The following SORL1 variants were observed in gnomAD, a reference collection of about 807,000 sequenced individuals.
SORL1 encodes the protein sortilin-related receptor.
SORL1 carries 127 observed loss-of-function variants against 273.7 expected under a neutral mutation model. That is an observed-to-expected ratio of 0.46 (90% confidence interval 0.40 to 0.54). SORL1 has a LOEUF of 0.54. SORL1 is among the 20% of genes least tolerant of loss of function. The pLI is 0.00. For missense variants in SORL1, 2,494 were observed against 2,846.1 expected (o/e 0.88, Z 2.81); for synonymous variants, 1,031 against 1,067.4 (o/e 0.97, Z 0.66).
intron 6 of SORL1, among the ~76,000 whole-genome samples, chr11:121,500,115 C>T (rs1422106083): frequency 6.6e-6 from 1 of 152,172 alleles, no homozygotes; most frequent in Non-Finnish European, 1.5e-5. Context: ...TCATAGTGTA[C>T]ATCAAAATGA....
rs200787838 is a variant in SORL1 at position 121,496,922 on chromosome 11, C to T, written c.812C>T (p.Pro271Leu). The change falls in exon 6 of 48, where the codon CCC becomes CTC. Residue 271 changes from proline to leucine, a missense_variant. Around this residue, in one of 3 missense-constraint regions of SORL1, gnomAD observed 710 missense variants for 882.5 expected, o/e 0.80. Transcript: ENST00000260197. ...ACCATCTACATTGAACGACATGAACCCTCTGGCTACTCCACTGTCTTCCGA... is the reference window on the plus strand; with the variant it reads ...ACCATCTACATTGAACGACATGAACTCTCTGGCTACTCCACTGTCTTCCGA... ...PNTIYIERHE[P>L]SGYSTVFRST... 6.2e-7 allele frequency: 1 copy of T among 1,613,928 alleles called. No individual in the cohort carries two copies. Among genetic ancestry groups the T allele is most frequent in the Non-Finnish European group, 8.5e-7 (1 of 1,179,888 alleles).
chr11:121,624,804 T>C (rs761400946), intron 45 of SORL1, among the ~76,000 whole-genome samples: 3 of 152,218 alleles, frequency 2.0e-5, no homozygotes, highest in Non-Finnish European at 2.9e-5. Context: ...AGTGTGGCTT[T>C]GGTAAAATGA....
intron 13 of SORL1, among the ~76,000 whole-genome samples, chr11:121,544,363 A>C (rs1173461514): frequency 1.3e-5 from 2 of 152,166 alleles, no homozygotes; most frequent in African/African-American, 4.8e-5. Context: ...CTGATATCCC[A>C]ACCAGAAGAC....
intron 3 of SORL1, among the ~76,000 whole-genome samples, chr11:121,478,873 T>C (rs1363554449): frequency 1.3e-5 from 2 of 151,824 alleles, no homozygotes; most frequent in African/African-American, 4.8e-5. Context: ...TATGCACATA[T>C]GGGTACCTGT....
rs574889831 is a variant in SORL1 at position 121,512,166 on chromosome 11, G to A, written c.940-837G>A. 1.4e-4 allele frequency among the ~76,000 whole-genome samples: 22 copies of A among 152,298 alleles called. No homozygotes were observed. In the South Asian group the frequency reaches 2.7e-3, roughly 19 times the overall value. ...GGAGCCTCCATAGCAAAATAAATGAGTGTATATAAAAAAATTTGCATATAT... is the reference window on the plus strand; with the variant it reads ...GGAGCCTCCATAGCAAAATAAATGAATGTATATAAAAAAATTTGCATATAT... On this transcript the variant is annotated intron_variant, in intron 6 of 47. Coordinates refer to ENST00000260197, the MANE Select transcript of SORL1 (RefSeq NM_003105.6).
intron 6 of SORL1, among the ~76,000 whole-genome samples, chr11:121,502,164 C>G (rs565672117): frequency 9.4e-6 from 1 of 106,592 alleles, no homozygotes; most frequent in East Asian, 3.2e-4. Context: ...GAGATGGAGT[C>G]TCACTCTGTC....
chr11:121,588,075 G>T lies in SORL1; in HGVS notation c.3870G>T (p.Leu1290=), dbSNP rs1344396246. 1.2e-6 allele frequency: 2 copies of T among 1,613,936 alleles called. No homozygotes were observed. The highest frequency in any genetic ancestry group is 3.3e-5 in the Admixed American group (2 of 60,030). Reference sequence around the variant, plus strand: ...TGTGTAAGAACCGCCAGCAGTGCCTGTTCCACTCCATGGTCTGTGACGGAA... The same window carrying T: ...TGTGTAAGAACCGCCAGCAGTGCCTTTTCCACTCCATGGTCTGTGACGGAA... ...DFVCKNRQQC[L]FHSMVCDGII... is the part of the protein sequence containing the mutation. The change falls in exon 28 of 48, where the codon CTG becomes CTT. Residue 1290 remains leucine, a synonymous_variant. Transcript: ENST00000260197.
At position 121,483,540 on chromosome 11, in the gene SORL1, A is replaced by C. The variant is rs190072256; in HGVS notation, c.529-4492A>C. On this transcript the variant is annotated intron_variant, in intron 3 of 47. Transcript: ENST00000260197. ...AGAGGTATTTGTATTTTCAGAGGAA[A>C]CAGCTTTTAACCAAAGGAGGAAGCT... 1.1e-4 allele frequency among the ~76,000 whole-genome samples: 17 copies of C among 152,360 alleles called. No individual in the cohort carries two copies. The East Asian group carries it at 3.3e-3, about 29-fold the overall frequency.
chr11:121,566,246 T>C (rs7121447), intron 21 of SORL1, among the ~76,000 whole-genome samples: 95,331 of 151,964 alleles, frequency 0.63, 30,637 homozygotes, highest in Non-Finnish European at 0.71. Flanking sequence ...CTCTTCTCTC[T>C]GTAAGCCTCT....
chr11:121,541,114 G>T (rs973448216), intron 12 of SORL1, among the ~76,000 whole-genome samples: 1 of 152,196 alleles, frequency 6.6e-6, no homozygotes, highest in Non-Finnish European at 1.5e-5. Context: ...GATTTGTAGG[G>T]GGAGATTACT....
intron 5 of SORL1, among the ~76,000 whole-genome samples, chr11:121,491,299 C>T (rs920577742): frequency 6.6e-5 from 10 of 152,164 alleles, no homozygotes; most frequent in African/African-American, 2.4e-5. Flanking sequence ...ACAGGCTGTA[C>T]TTCAAGAAGT....
At chr11:121,598,204 G>A (rs1863329820) in intron 32 of SORL1, among the ~76,000 whole-genome samples, 1 of 152,186 alleles carries the variant, frequency 6.6e-6, no homozygotes, top group African/African-American at 2.4e-5. Context: ...TATAGAAGAA[G>A]GCTGAGGTGA....
At chr11:121,576,889 G>A (rs1267565555) in intron 24 of SORL1, 6 of 1,535,552 alleles carry the variant, frequency 3.9e-6, no homozygotes, top group Non-Finnish European at 4.4e-6. Flanking sequence ...ACCACAGGCT[G>A]TGTCTGTAGG....
At position 121,534,556 on chromosome 11, in the gene SORL1, C is replaced by T. The variant is rs74641168; in HGVS notation, c.1685+2004C>T. 1.8e-3 allele frequency among the ~76,000 whole-genome samples: 273 copies of T among 152,298 alleles called. 1 individual carries two copies. The highest frequency in any genetic ancestry group is 6.0e-3 in the African/African-American group (251 of 41,562). On this transcript the variant is annotated intron_variant, in intron 12 of 47. Coordinates refer to ENST00000260197, the MANE Select transcript of SORL1 (RefSeq NM_003105.6). ...AGTTCAAATAAAGCATTTGAAAATA[C>T]GAAAATACATACAAGCCTCCTATTG... is the stretch of plus-strand genomic sequence containing the variant.
At chr11:121,567,325 G>C (rs1405179347) in intron 22 of SORL1, among the ~76,000 whole-genome samples, 1 of 152,222 alleles carries the variant, frequency 6.6e-6, no homozygotes, top group African/African-American at 2.4e-5. Flanking sequence ...TCCTCACTCA[G>C]AACAGGCCTA....
At chr11:121,588,919 G>A (rs969378712) in intron 28 of SORL1, among the ~76,000 whole-genome samples, 2 of 152,040 alleles carry the variant, frequency 1.3e-5, no homozygotes, top group African/African-American at 2.4e-5. Flanking sequence ...TTAGATTCGG[G>A]CCACCCAGAT....
intron 30 of SORL1, chr11:121,590,699 G>C (rs749383043): frequency 2.6e-5 from 17 of 651,936 alleles, no homozygotes; most frequent in Non-Finnish European, 4.7e-5. Flanking sequence ...TAGCCACCCT[G>C]TGCCTCCTCA....
intron 38 of SORL1, 53 bp downstream of exon 38, chr11:121,608,229 C>A: frequency 7.0e-7 from 1 of 1,425,364 alleles, no homozygotes; most frequent in South Asian, 1.2e-5. Context: ...CAAACCCTTT[C>A]AAATGACTTT....
intron 11 of SORL1, among the ~76,000 whole-genome samples, chr11:121,526,966 C>G (rs978234595): frequency 5.9e-5 from 9 of 151,794 alleles, no homozygotes; most frequent in Admixed American, 1.3e-4. Flanking sequence ...GTCCTTCTTT[C>G]TTCTCTTTCC....
Sources: gnomAD v4.1 joint callset for allele counts (sites outside exome capture counted in the v4.1 genomes callset) on GRCh38, gnomAD v4.1.1 for gene constraint, gnomAD v4.1.1 regional missense constraint, MANE v1.5 for transcripts, NCBI Gene and HGNC (gene_info 2026-07-23, HGNC 2026-07-21) for gene names.